Variants in ADAMTS3 observed in about 807,000 individuals in gnomAD.
The protein encoded by ADAMTS3 is A disintegrin and metalloproteinase with thrombospondin motifs 3.
Under a neutral mutation model 129.0 loss-of-function variants are expected in ADAMTS3, and 73 were observed. That is an observed-to-expected ratio of 0.57 (90% CI 0.47 to 0.69). ADAMTS3 has a LOEUF of 0.69. Ranked by LOEUF, ADAMTS3 falls within the 30% of genes least tolerant of loss-of-function variation. ADAMTS3 has a pLI of 0.00. For synonymous variants in ADAMTS3, 477 were observed against 510.8 expected (o/e 0.93, Z 0.89); for missense variants, 1,457 against 1,514.5 (o/e 0.96, Z 0.63).
intron 17 of ADAMTS3, among the ~76,000 whole-genome samples, chr4:72,298,957 G>A (rs1560463226): frequency 6.6e-6 from 1 of 150,798 alleles, no homozygotes; most frequent in Non-Finnish European, 1.5e-5. Context: ...TATACATTAT[G>A]GAAAAATAGA....
At chr4:72,547,294 G>C (rs1466737157) in intron 3 of ADAMTS3, among the ~76,000 whole-genome samples, 1 of 152,070 alleles carries the variant, frequency 6.6e-6, no homozygotes, top group African/African-American at 2.4e-5. Context: ...AACAGGAAAG[G>C]GTCAATGCTA....
chr4:72,434,843 T>C (rs1158772778), intron 3 of ADAMTS3, among the ~76,000 whole-genome samples: 2 of 151,806 alleles, frequency 1.3e-5, no homozygotes, highest in Non-Finnish European at 2.9e-5. Flanking sequence ...AAGAAGCAAA[T>C]GGCCAGGCAG....
intron 21 of ADAMTS3, among the ~76,000 whole-genome samples, chr4:72,286,786 T>C (rs1242820885): frequency 6.6e-6 from 1 of 151,834 alleles, no homozygotes; most frequent in Non-Finnish European, 1.5e-5. Flanking sequence ...GAAGAAAATA[T>C]AACGGAAGAG....
chr4:72,340,088 T>A (rs892785623), intron 4 of ADAMTS3, among the ~76,000 whole-genome samples: 1 of 152,140 alleles, frequency 6.6e-6, no homozygotes, highest in African/African-American at 2.4e-5. Context: ...ATGTTTACAA[T>A]GATTAAGTTC....
intron 3 of ADAMTS3, among the ~76,000 whole-genome samples, chr4:72,488,902 A>G (rs1350180247): frequency 6.6e-6 from 1 of 151,888 alleles, no homozygotes; most frequent in Non-Finnish European, 1.5e-5. Flanking sequence ...TAATAACTAT[A>G]AAGTTTGTAT....
chr4:72,449,204 T>C (rs144201881), intron 3 of ADAMTS3, among the ~76,000 whole-genome samples: 5 of 151,766 alleles, frequency 3.3e-5, no homozygotes, highest in African/African-American at 1.2e-4. Flanking sequence ...CCCATGGTTG[T>C]AAAGAGCATC....
chr4:72,349,281 G>A (rs959166584), intron 4 of ADAMTS3, among the ~76,000 whole-genome samples: 34 of 151,962 alleles, frequency 2.2e-4, no homozygotes, highest in African/African-American at 8.2e-4. Context: ...AATTATTAAA[G>A]ATGGTTATTA....
chr4:72,358,086 G>T (rs1720628652), intron 4 of ADAMTS3, among the ~76,000 whole-genome samples: 1 of 151,816 alleles, frequency 6.6e-6, no homozygotes, highest in Non-Finnish European at 1.5e-5. Flanking sequence ...CTTCCTAGGG[G>T]GTGGAATGCC....
intron 3 of ADAMTS3, among the ~76,000 whole-genome samples, chr4:72,546,685 T>C (rs534935781): frequency 1.3e-5 from 2 of 152,128 alleles, no homozygotes; most frequent in Non-Finnish European, 2.9e-5. Flanking sequence ...TAAAGCCTAC[T>C]AACCAAAAAA....
intron 4 of ADAMTS3, among the ~76,000 whole-genome samples, chr4:72,410,929 G>C (rs1722171410): frequency 6.6e-6 from 1 of 152,028 alleles, no homozygotes; most frequent in Admixed American, 6.6e-5. Flanking sequence ...GTAATGAAAA[G>C]GATGCTATTC....
intron 3 of ADAMTS3, among the ~76,000 whole-genome samples, chr4:72,509,962 T>G (rs545984549): frequency 6.6e-6 from 1 of 151,800 alleles, no homozygotes; most frequent in Admixed American, 6.6e-5. Flanking sequence ...GTTCAACATA[T>G]GCAAATCAAT....
At chr4:72,298,234 A>G in intron 18 of ADAMTS3, 43 bp downstream of exon 18, 1 of 1,542,422 alleles carries the variant, frequency 6.5e-7, no homozygotes, top group Non-Finnish European at 8.8e-7. Context: ...ATTGGTTTTT[A>G]TATGCATTAC....
At chr4:72,567,426 A>G in intron 1 of ADAMTS3, 25 bp from the exon 2 acceptor site, 2 of 1,612,284 alleles carry the variant, frequency 1.2e-6, no homozygotes, top group Non-Finnish European at 8.5e-7. Flanking sequence ...GAAAGCAAGA[A>G]AAAGAAAGTT....
chr4:72,525,904 T>C (rs1347241160), intron 3 of ADAMTS3, among the ~76,000 whole-genome samples: 1 of 152,194 alleles, frequency 6.6e-6, no homozygotes, highest in African/African-American at 2.4e-5. Context: ...GTTATGATCC[T>C]CTTAAATCAT....
chr4:72,407,866 GTA>G (rs35878524), intron 4 of ADAMTS3, among the ~76,000 whole-genome samples: 95,871 of 151,690 alleles, frequency 0.63, 30,802 homozygotes, highest in South Asian at 0.79. Flanking sequence ...GGAATATGCT[GTA>G]TATAGTTGGT....
intron 2 of ADAMTS3, among the ~76,000 whole-genome samples, chr4:72,549,126 T>C (rs1007737200): frequency 1.3e-5 from 2 of 152,216 alleles, no homozygotes; most frequent in African/African-American, 4.8e-5. Context: ...ACATTGTAAA[T>C]ATTTACATCT....
In ADAMTS3 at chr4:72,496,645, T is replaced by C. The variant is rs374342308; in HGVS notation, c.504+51833A>G. Among the ~76,000 whole-genome samples the C allele has an allele frequency of 2.6e-5, 4 of 152,222 alleles. No individual in the cohort carries two copies. In the East Asian group the frequency reaches 7.7e-4, roughly 29 times the overall value. On this transcript the variant is annotated intron_variant, in intron 3 of 21. Transcript: ENST00000286657. ...GCTTAGTGTCAGAAGCCATCGATTA[T>C]ACTGTCCCTATTCATTTTAATTCCA...
At chr4:72,467,992 G>T (rs1052118824) in intron 3 of ADAMTS3, among the ~76,000 whole-genome samples, 5 of 151,674 alleles carry the variant, frequency 3.3e-5, no homozygotes, top group Non-Finnish European at 4.4e-5. Flanking sequence ...AGCAAAGAAG[G>T]TTATAAACTC....
intron 3 of ADAMTS3, among the ~76,000 whole-genome samples, chr4:72,529,761 T>C (rs1251360369): frequency 9.3e-6 from 1 of 107,100 alleles, no homozygotes; most frequent in African/African-American, 3.7e-5. Context: ...GTATATAATA[T>C]TAATATATGT....
Sources: gnomAD v4.1 joint callset for allele counts (sites outside exome capture counted in the v4.1 genomes callset) on GRCh38, gnomAD v4.1.1 for gene constraint, MANE v1.5 for transcripts, NCBI Gene and HGNC (gene_info 2026-07-23, HGNC 2026-07-21) for gene names.